ARID4B: variants seen among roughly 807,000 people sequenced by gnomAD.
ARID4B encodes AT-rich interactive domain-containing protein 4B.
In ARID4B, 26 loss-of-function variants were observed where a neutral mutation model predicts 147.5. The observed-to-expected ratio is 0.18, with a 90% CI of 0.13 to 0.24. The LOEUF (loss-of-function observed/expected upper bound fraction) is 0.24, where lower values mean the gene tolerates loss of function less well. ARID4B is among the 10% of genes least tolerant of loss of function. ARID4B has a pLI of 1.00. For missense variants in ARID4B, 1,179 were observed against 1,511.5 expected (o/e 0.78, Z 3.65); for synonymous variants, 512 against 507.9 (o/e 1.01, Z -0.11).
intron 2 of ARID4B, among the ~76,000 whole-genome samples, chr1:235,291,434 T>A (rs993954710): frequency 5.3e-5 from 8 of 151,738 alleles, no homozygotes; most frequent in African/African-American, 1.2e-4. Flanking sequence ...AATAAATAAA[T>A]AAAATAAATT....
chr1:235,171,020 TAC>T (rs1663317923), intron 23 of ARID4B, among the ~76,000 whole-genome samples: 1 of 151,650 alleles, frequency 6.6e-6, no homozygotes, highest in South Asian at 2.1e-4. Context: ...TATCAGTACA[TAC>T]AGATCCTTTT....
Position 235,255,647 on chromosome 1 carries a change from T to A in ARID4B, c.274+13A>T, listed in dbSNP as rs1402621530. On this transcript the variant is annotated intron_variant, in intron 5 of 23. Coordinates refer to ENST00000264183, the MANE Select transcript of ARID4B (RefSeq NM_016374.6). ...CTAAAAACACATTTTTAAAAGAAAA[T>A]TTATTTTCTTACCTACAGTGTACCA... is the stretch of plus-strand genomic sequence containing the variant. 20 of 1,537,238 alleles carry A rather than the reference T, an allele frequency of 1.3e-5. No homozygotes were observed. Among genetic ancestry groups the A allele is most frequent in the Admixed American group, 2.1e-5 (1 of 47,496 alleles).
At chr1:235,187,057 CT>C (rs1217579331) in intron 19 of ARID4B, 3 of 355,238 alleles carry the variant, frequency 8.4e-6, no homozygotes, top group Non-Finnish European at 1.6e-5. Flanking sequence ...TTATTCTTTT[CT>C]TTTTCACTGC....
chr1:235,293,200 C>G (rs1166978944), intron 2 of ARID4B, among the ~76,000 whole-genome samples: 1 of 152,200 alleles, frequency 6.6e-6, no homozygotes, highest in Non-Finnish European at 1.5e-5. Context: ...AGATCAACAT[C>G]ACACAAACGT....
chr1:235,237,378 T>C (rs1345189593), intron 8 of ARID4B, among the ~76,000 whole-genome samples: 3 of 152,194 alleles, frequency 2.0e-5, no homozygotes. Context: ...GCACACTCCT[T>C]GTACATATAG....
At position 235,322,512 on chromosome 1, in the gene ARID4B, G is replaced by C. The variant is rs192410843; in HGVS notation, c.6+4402C>G. 9.5e-4 allele frequency among the ~76,000 whole-genome samples: 144 copies of C among 152,212 alleles called. 1 individual carries two copies. Among genetic ancestry groups the C allele is most frequent in the Middle Eastern group, 6.8e-3 (2 of 294 alleles). ...AAACTTTTCTTCCCTTCTTTGCCTAGCAAAAGCCTTCGCACTCAGCTTAGA... is the reference window on the plus strand; with the variant it reads ...AAACTTTTCTTCCCTTCTTTGCCTACCAAAAGCCTTCGCACTCAGCTTAGA... On this transcript the variant is annotated intron_variant, in intron 2 of 23. Coordinates refer to ENST00000264183, the MANE Select transcript of ARID4B (RefSeq NM_016374.6).
chr1:235,290,467 T>C (rs1268073197), intron 2 of ARID4B, among the ~76,000 whole-genome samples: 1 of 151,246 alleles, frequency 6.6e-6, no homozygotes, highest in African/African-American at 2.4e-5. Context: ...CTTTAATCAG[T>C]AACCCTACTC....
At chr1:235,317,154 A>T (rs964149163) in intron 2 of ARID4B, among the ~76,000 whole-genome samples, 2 of 152,240 alleles carry the variant, frequency 1.3e-5, no homozygotes, top group Non-Finnish European at 1.5e-5. Context: ...TTAAGCAAAA[A>T]TAAATTTGAA....
At chr1:235,207,993 G>A (rs545746460) in intron 17 of ARID4B, among the ~76,000 whole-genome samples, 5 of 152,164 alleles carry the variant, frequency 3.3e-5, no homozygotes, top group Non-Finnish European at 7.3e-5. Flanking sequence ...AAGTTTTACA[G>A]TGTCTCTTTT....
At chr1:235,176,932 GCTT>G (rs1182129911) in intron 21 of ARID4B, 1 of 471,000 alleles carries the variant, frequency 2.1e-6, no homozygotes, top group Non-Finnish European at 4.4e-6. Flanking sequence ...CATATTTTCT[GCTT>G]CTTACTTTGT....
At chr1:235,266,592 A>C (rs2891026) in intron 2 of ARID4B, among the ~76,000 whole-genome samples, 70,478 of 152,008 alleles carry the variant, frequency 0.46, 16,682 homozygotes, top group South Asian at 0.6. Flanking sequence ...CACCTAAAAA[A>C]CACTGAATTC....
At position 235,181,596 on chromosome 1, in the gene ARID4B, TGTTCTG is replaced by T; in HGVS notation, c.3317_3322del (p.Pro1106_Glu1107del). 2 of 1,611,566 alleles carry T rather than the reference TGTTCTG, an allele frequency of 1.2e-6. No individual in the cohort carries two copies. Among genetic ancestry groups the T allele is most frequent in the Non-Finnish European group, 1.7e-6 (2 of 1,179,584 alleles). On this transcript the variant is annotated inframe_deletion, in exon 20 of 24. Coordinates refer to ENST00000264183, the MANE Select transcript of ARID4B (RefSeq NM_016374.6). ...ATTTTCCTTCTCACCTTTTTCAGGA[TGTTCTG>T]GTTCTGGCTGATTACTACTGCTTGA...
At chr1:235,248,577 TAAAAG>T in intron 6 of ARID4B, among the ~76,000 whole-genome samples, 1 of 152,034 alleles carries the variant, frequency 6.6e-6, no homozygotes, top group East Asian at 1.9e-4. Flanking sequence ...AGCAGAAAAA[TAAAAG>T]AGAGAGAGAG....
intron 8 of ARID4B, 139 bp downstream of exon 8, chr1:235,240,174 A>T: frequency 1.4e-6 from 1 of 723,442 alleles, no homozygotes; most frequent in Non-Finnish European, 2.1e-6. Context: ...GACAACGTTG[A>T]AAGTAAGCTT....
At chr1:235,251,348 A>C (rs548663647) in intron 6 of ARID4B, among the ~76,000 whole-genome samples, 49 of 152,310 alleles carry the variant, frequency 3.2e-4, no homozygotes, top group South Asian at 2.3e-3. Context: ...GTGAGATTCC[A>C]ACAAGAGGAA....
intron 19 of ARID4B, among the ~76,000 whole-genome samples, chr1:235,187,781 C>G (rs1226572332): frequency 6.6e-6 from 1 of 151,980 alleles, no homozygotes; most frequent in Non-Finnish European, 1.5e-5. Context: ...TCAATTTGAT[C>G]TGTGGCCAAA....
chr1:235,256,191 G>A (rs1352130088), intron 4 of ARID4B, among the ~76,000 whole-genome samples: 11 of 94,452 alleles, frequency 1.2e-4, no homozygotes, highest in South Asian at 4.0e-4. Flanking sequence ...AAAAAAAAAA[G>A]TGCCAGCAGT....
At chr1:235,304,335 A>T (rs978455073) in intron 2 of ARID4B, among the ~76,000 whole-genome samples, 5 of 152,154 alleles carry the variant, frequency 3.3e-5, no homozygotes, top group Admixed American at 6.6e-5. Context: ...GCAACAGAGG[A>T]AGACCCTGTC....
intron 16 of ARID4B, among the ~76,000 whole-genome samples, chr1:235,215,359 T>TA (rs1666989724): frequency 6.6e-6 from 1 of 152,100 alleles, no homozygotes; most frequent in Non-Finnish European, 1.5e-5. Context: ...TGTCTGTACT[T>TA]AAAGACTCCA....
Sources: allele counts gnomAD v4.1 joint callset (sites outside exome capture counted in the v4.1 genomes callset), GRCh38; gene constraint gnomAD v4.1.1; transcripts MANE v1.5; gene names NCBI Gene and HGNC (gene_info 2026-07-23, HGNC 2026-07-21).